ZC3H12B: variants seen among roughly 807,000 people sequenced by gnomAD.
ZC3H12B encodes the protein zinc finger CCCH-type containing 12B.
Under a neutral mutation model 43.9 loss-of-function variants are expected in ZC3H12B, and 7 were observed. The ratio of observed to expected loss-of-function variants is 0.16; its 90% confidence interval spans 0.09 to 0.30. ZC3H12B has a LOEUF of 0.30. Ranked by LOEUF, ZC3H12B falls within the 10% of genes least tolerant of loss-of-function variation. The pLI, the probability that ZC3H12B is intolerant of heterozygous loss-of-function variation, is 1.00. For missense variants in ZC3H12B, 475 were observed against 670.2 expected (o/e 0.71, Z 3.22); for synonymous variants, 222 against 241.7 (o/e 0.92, Z 0.76).
intron 1 of ZC3H12B, among the ~76,000 whole-genome samples, chrX:65,490,282 A>G (rs755176423): frequency 2.8e-5 from 3 of 107,843 alleles, no homozygotes; most frequent in African/African-American, 1.0e-4. Flanking sequence ...AAGTAGAAGG[A>G]GATGGAATGG....
rs374744991 is a variant in ZC3H12B, at chrX:65,477,459, C to A, written n.408-11187C>A. ...AGGAAAAATATTTGATGTCTAATGG[C>A]TGAAAAGTTCCAAAATTTGATGGAA... On this transcript the variant is annotated intron_variant and non_coding_transcript_variant, in intron 3 of 5. Transcript: ENST00000617377. 2.9e-4 allele frequency among the ~76,000 whole-genome samples: 32 copies of A among 111,565 alleles called. No homozygotes were observed. The East Asian group carries it at 4.2e-3, about 15-fold the overall frequency.
At chrX:65,173,845 T>C in the ZC3H12B span, among the ~76,000 whole-genome samples, 27 of 112,038 alleles carry the variant, frequency 2.4e-4, no homozygotes, top group South Asian at 9.7e-3. Flanking sequence ...TTGACGTTCA[T>C]CAGGGATATT....
the ZC3H12B span, among the ~76,000 whole-genome samples, chrX:65,225,168 T>G: frequency 9.0e-6 from 1 of 111,555 alleles, no homozygotes; most frequent in Non-Finnish European, 1.9e-5. Context: ...GGTACTCCTC[T>G]GAGACAAAAC....
At chrX:65,309,209 G>GT in the ZC3H12B span, among the ~76,000 whole-genome samples, 30 of 108,912 alleles carry the variant, frequency 2.8e-4, no homozygotes, top group South Asian at 7.8e-4. Flanking sequence ...TCCAGGAGCT[G>GT]TTTTTTTTGA....
chrX:65,352,722 C>G, the ZC3H12B span, among the ~76,000 whole-genome samples: 1 of 111,782 alleles, frequency 8.9e-6, no homozygotes, highest in Non-Finnish European at 1.9e-5. Flanking sequence ...AGTCTATTGG[C>G]ACCATTTTTC....
At chrX:65,432,749 C>T (rs1294439691) in intron 3 of ZC3H12B, among the ~76,000 whole-genome samples, 3 of 112,237 alleles carry the variant, frequency 2.7e-5, no homozygotes, top group Non-Finnish European at 5.6e-5. Flanking sequence ...TCTTGACATG[C>T]CTCACACCAC....
chrX:65,281,787 A>T, the ZC3H12B span, among the ~76,000 whole-genome samples: 1 of 112,454 alleles, frequency 8.9e-6, no homozygotes, highest in Non-Finnish European at 1.9e-5. Context: ...ATAAGACCTT[A>T]AAAACACAGG....
At chrX:65,357,926 G>T in the ZC3H12B span, among the ~76,000 whole-genome samples, 24 of 110,465 alleles carry the variant, frequency 2.2e-4, no homozygotes, top group African/African-American at 7.9e-4. Flanking sequence ...AGACCCATTG[G>T]TGTGCAGTAT....
chrX:65,075,342 T>C, the ZC3H12B span, among the ~76,000 whole-genome samples: 1 of 112,551 alleles, frequency 8.9e-6, no homozygotes, highest in Non-Finnish European at 1.9e-5. Context: ...AAAGCTATAA[T>C]GTTGAACATA....
chrX:65,410,608 G>T (rs998775031), intron 3 of ZC3H12B, among the ~76,000 whole-genome samples: 8 of 109,796 alleles, frequency 7.3e-5, no homozygotes, highest in African/African-American at 2.7e-4. Context: ...GGAGCTCAAA[G>T]AACTCTATAG....
At chrX:65,081,803 A>G in the ZC3H12B span, among the ~76,000 whole-genome samples, 1 of 112,052 alleles carries the variant, frequency 8.9e-6, no homozygotes, top group Non-Finnish European at 1.9e-5. Flanking sequence ...TTTATAGAGC[A>G]TGTCATCCAA....
rs193075384 is a variant in ZC3H12B at position 65,494,044 on chromosome X, C to T, written c.609-3088C>T. 1.7e-3 allele frequency among the ~76,000 whole-genome samples: 190 copies of T among 110,574 alleles called. 1 individual carries two copies. The highest frequency in any genetic ancestry group is 6.0e-3 in the African/African-American group (182 of 30,410). ...GTGGCATACTTTTAATATATTTTAACGGGATGCTATAGGTATGTTACATTT... is the reference window on the plus strand; with the variant it reads ...GTGGCATACTTTTAATATATTTTAATGGGATGCTATAGGTATGTTACATTT... On this transcript the variant is annotated intron_variant, in intron 1 of 4. Coordinates refer to ENST00000338957, the Ensembl canonical transcript of ZC3H12B.
At chrX:65,386,430 G>A (rs942969587) in intron 2 of ZC3H12B, among the ~76,000 whole-genome samples, 31 of 111,839 alleles carry the variant, frequency 2.8e-4, no homozygotes, top group Non-Finnish European at 9.4e-5. Flanking sequence ...TAGTTTGTTT[G>A]CGTAGAGGTG....
At chrX:65,491,245 A>G (rs1185167973) in intron 1 of ZC3H12B, among the ~76,000 whole-genome samples, 1 of 111,960 alleles carries the variant, frequency 8.9e-6, no homozygotes, top group Non-Finnish European at 1.9e-5. Context: ...GAGACCCTAT[A>G]AGAATCAACT....
At chrX:65,280,960 G>A in the ZC3H12B span, among the ~76,000 whole-genome samples, 1 of 111,643 alleles carries the variant, frequency 9.0e-6, no homozygotes, top group South Asian at 3.7e-4. Flanking sequence ...ACAACCCAAA[G>A]CAATCTACAG....
intron 1 of ZC3H12B, among the ~76,000 whole-genome samples, chrX:65,491,082 G>A (rs2068195873): frequency 8.9e-6 from 1 of 112,177 alleles, no homozygotes; most frequent in Admixed American, 9.4e-5. Context: ...GCAAAGGTAA[G>A]TGACTTCCCT....
At chrX:65,255,878 G>T in the ZC3H12B span, among the ~76,000 whole-genome samples, 1 of 111,598 alleles carries the variant, frequency 9.0e-6, no homozygotes. Context: ...AAAAATCAGG[G>T]GTTGCTATTC....
At chrX:65,083,557 G>T in the ZC3H12B span, among the ~76,000 whole-genome samples, 1 of 111,285 alleles carries the variant, frequency 9.0e-6, no homozygotes, top group African/African-American at 3.3e-5. Flanking sequence ...AGAAGTGAAA[G>T]ATTGCTATAA....
intron 3 of ZC3H12B, among the ~76,000 whole-genome samples, chrX:65,456,428 C>G (rs1195908565): frequency 3.6e-5 from 2 of 55,076 alleles, no homozygotes; most frequent in African/African-American, 1.4e-4. Context: ...TCTCCCTCTC[C>G]CTCTCCCTCT....
Sources: gnomAD v4.1 joint callset for allele counts (sites outside exome capture counted in the v4.1 genomes callset) on GRCh38, gnomAD v4.1.1 for gene constraint, MANE v1.5 for transcripts, NCBI Gene and HGNC (gene_info 2026-07-23, HGNC 2026-07-21) for gene names.